The following ARHGEF6 variants were observed in gnomAD, a reference collection of about 807,000 sequenced individuals.
ARHGEF6 encodes the protein rho guanine nucleotide exchange factor 6.
ARHGEF6 carries 9 observed loss-of-function variants against 70.3 expected under a neutral mutation model. The ratio of observed to expected loss-of-function variants is 0.13; its 90% confidence interval spans 0.08 to 0.22. The LOEUF is 0.22. ARHGEF6 is among the 10% of genes least tolerant of loss of function. The pLI is 1.00. For missense variants in ARHGEF6, 470 were observed against 563.0 expected (o/e 0.83, Z 1.67); for synonymous variants, 201 against 207.8 (o/e 0.97, Z 0.28).
chrX:136,685,861 C>A (rs1251440034), intron 11 of ARHGEF6, 38 bp from the exon 12 acceptor site: 12 of 1,193,754 alleles, frequency 1.0e-5, no homozygotes, highest in Non-Finnish European at 1.4e-5. Flanking sequence ...AATAGGAATT[C>A]TTATGAAATA....
intron 2 of ARHGEF6, among the ~76,000 whole-genome samples, chrX:136,750,333 CAA>C (rs1259669905): frequency 8.9e-6 from 1 of 112,351 alleles, no homozygotes; most frequent in Admixed American, 9.4e-5. Flanking sequence ...TGTAATTTTC[CAA>C]AGTCATTTTC....
intron 5 of ARHGEF6, among the ~76,000 whole-genome samples, chrX:136,734,827 T>G (rs1282651059): frequency 8.9e-6 from 1 of 112,001 alleles, no homozygotes; most frequent in African/African-American, 3.2e-5. Context: ...GGTTAAATAT[T>G]TTAAAATCCA....
intron 2 of ARHGEF6, chrX:136,774,066 C>T (rs927524416): frequency 1.8e-5 from 2 of 111,035 alleles, no homozygotes; most frequent in Admixed American, 9.6e-5. Flanking sequence ...GGCCCCTGTA[C>T]GAGAATAACA....
intron 6 of ARHGEF6, among the ~76,000 whole-genome samples, chrX:136,724,091 T>G (rs1278613265): frequency 3.7e-5 from 4 of 107,780 alleles, no homozygotes; most frequent in African/African-American, 1.0e-4. Flanking sequence ...TTTTTTTTTT[T>G]GTTTTTTAGA....
intron 19 of ARHGEF6, among the ~76,000 whole-genome samples, chrX:136,673,043 G>A (rs781302667): frequency 3.6e-5 from 4 of 112,195 alleles, no homozygotes; most frequent in Non-Finnish European, 5.6e-5. Context: ...TCAACCAACC[G>A]TGCATTGAAA....
At chrX:136,780,085 T>C (rs1306512632) in intron 1 of ARHGEF6, among the ~76,000 whole-genome samples, 2 of 112,263 alleles carry the variant, frequency 1.8e-5, no homozygotes, top group Non-Finnish European at 1.9e-5. Flanking sequence ...GTGCCTACTT[T>C]AGAAATTATC....
intron 6 of ARHGEF6, among the ~76,000 whole-genome samples, chrX:136,719,297 A>G (rs1386905538): frequency 9.0e-6 from 1 of 111,451 alleles, no homozygotes; most frequent in African/African-American, 3.2e-5. Flanking sequence ...ACCTTAGCAA[A>G]TTTAAAAGAA....
At chrX:136,738,730 C>T (rs1000961032) in intron 5 of ARHGEF6, among the ~76,000 whole-genome samples, 2 of 112,818 alleles carry the variant, frequency 1.8e-5, no homozygotes, top group Non-Finnish European at 1.9e-5. Flanking sequence ...TGTGGGCTGG[C>T]TAGAAGCATG....
At chrX:136,751,089 A>G (rs149304605) in intron 2 of ARHGEF6, among the ~76,000 whole-genome samples, 1,368 of 111,707 alleles carry the variant, frequency 0.012, 23 homozygotes, top group African/African-American at 0.042. Context: ...CACCTACCTC[A>G]GCCTGCTAAA....
chrX:136,730,119 G>A (rs2076920609), intron 6 of ARHGEF6, among the ~76,000 whole-genome samples: 1 of 110,120 alleles, frequency 9.1e-6, no homozygotes, highest in African/African-American at 3.3e-5. Flanking sequence ...AAAGAAAAAT[G>A]TTATTTCATT....
At position 136,755,846 on chromosome X, in the gene ARHGEF6, C is replaced by G. The variant is rs893609870; in HGVS notation, c.250-8254G>C. On this transcript the variant is annotated intron_variant, in intron 2 of 21. Coordinates refer to ENST00000250617, the MANE Select transcript of ARHGEF6 (RefSeq NM_004840.3). ...GGTAGGCTCTTTGAAGTCCGCATTC[C>G]CCCACAGACCTGGCCCCAATATTCA... Among the ~76,000 whole-genome samples, 35 of 111,744 alleles carry G rather than the reference C, an allele frequency of 3.1e-4. No homozygotes were observed. In the Admixed American group the frequency reaches 3.2e-3, roughly 10 times the overall value.
At chrX:136,682,881 T>C (rs1313642308) in intron 12 of ARHGEF6, 37 bp from the exon 13 acceptor site, 3 of 1,045,838 alleles carry the variant, frequency 2.9e-6, no homozygotes, top group Admixed American at 4.4e-5. Context: ...AAGAACAGAA[T>C]TGGACACTTT....
At chrX:136,691,678 C>T (rs1403565188) in intron 9 of ARHGEF6, among the ~76,000 whole-genome samples, 1 of 111,902 alleles carries the variant, frequency 8.9e-6, no homozygotes, top group Non-Finnish European at 1.9e-5. Flanking sequence ...CATTCCTTTC[C>T]ATTCCTGCTG....
At chrX:136,767,840 GCA>G in intron 2 of ARHGEF6, 6 of 147,051 alleles carry the variant, frequency 4.1e-5, no homozygotes, top group Non-Finnish European at 3.0e-5. Context: ...CGCAGGCAGA[GCA>G]GCAGCAGCAG....
chrX:136,686,707 T>C (rs866309746), intron 11 of ARHGEF6, among the ~76,000 whole-genome samples: 48 of 27,335 alleles, frequency 1.8e-3, no homozygotes, highest in African/African-American at 4.5e-3. Context: ...CATATATATA[T>C]ACATATATAT....
At chrX:136,778,490 C>CT (rs141921963) in intron 2 of ARHGEF6, among the ~76,000 whole-genome samples, 86 of 102,062 alleles carry the variant, frequency 8.4e-4, no homozygotes, top group East Asian at 2.1e-3. Context: ...TTATTTGATT[C>CT]TTTTTTTTTT....
intron 5 of ARHGEF6, among the ~76,000 whole-genome samples, chrX:136,736,618 G>GATGTGTGTGTGTGT (rs58741198): frequency 9.6e-6 from 1 of 103,708 alleles, no homozygotes; most frequent in African/African-American, 3.5e-5. Context: ...GTTAAAAAGA[G>GATGTGTGTGTGTGT]GTGTGTGTGT....
chrX:136,711,574 T>C (rs1187055016), intron 7 of ARHGEF6, among the ~76,000 whole-genome samples: 1 of 111,956 alleles, frequency 8.9e-6, no homozygotes, highest in Admixed American at 9.5e-5. Context: ...TTTTGTTTTG[T>C]TTTTTTGAGA....
chrX:136,773,603 T>C (rs927442130), intron 2 of ARHGEF6, among the ~76,000 whole-genome samples: 10 of 112,283 alleles, frequency 8.9e-5, no homozygotes, highest in Non-Finnish European at 1.9e-4. Flanking sequence ...CATTACCGAG[T>C]AATAACACCA....
Sources: allele counts gnomAD v4.1 joint callset (sites outside exome capture counted in the v4.1 genomes callset), GRCh38; gene constraint gnomAD v4.1.1; transcripts MANE v1.5; gene names NCBI Gene and HGNC (gene_info 2026-07-23, HGNC 2026-07-21).